The following RUNX2 variants were observed in gnomAD, a reference collection of about 807,000 sequenced individuals.
RUNX2 encodes runt-related transcription factor 2.
A neutral mutation model predicts 51.7 loss-of-function variants in RUNX2; 10 were observed. The ratio of observed to expected loss-of-function variants is 0.19; its 90% CI spans 0.12 to 0.33. RUNX2 has a LOEUF of 0.33. Among genes scored for constraint, RUNX2 ranks in the 10% least tolerant of loss-of-function variants. RUNX2 has a pLI of 1.00. For missense variants in RUNX2, 562 were observed against 691.3 expected, an observed-to-expected ratio of 0.81 and a Z score of 2.10; for synonymous variants, 276 against 273.6, an observed-to-expected ratio of 1.01 and a Z score of -0.09.
intron 2 of RUNX2, among the ~76,000 whole-genome samples, chr6:45,344,057 C>A (rs1263845924): frequency 2.0e-5 from 3 of 152,044 alleles, no homozygotes. Context: ...AAATATGAGA[C>A]AATTGTATAT....
intron 5 of RUNX2, among the ~76,000 whole-genome samples, chr6:45,456,817 T>C (rs1266178316): frequency 6.6e-6 from 1 of 152,222 alleles, no homozygotes; most frequent in African/African-American, 2.4e-5. Context: ...AACAACTCTG[T>C]AAAGCAGACA....
chr6:45,462,104 TAA>T (rs1357015179), intron 5 of RUNX2, among the ~76,000 whole-genome samples: 1 of 151,994 alleles, frequency 6.6e-6, no homozygotes, highest in East Asian at 1.9e-4. Flanking sequence ...TGATTAAAAA[TAA>T]AGAGAGAAAA....
At chr6:45,398,466 T>C (rs1368742817) in intron 2 of RUNX2, among the ~76,000 whole-genome samples, 1 of 152,336 alleles carries the variant, frequency 6.6e-6, no homozygotes, top group East Asian at 1.9e-4. Context: ...TTGAAACCAA[T>C]ATATATAACA....
At position 45,354,043 on chromosome 6, in the gene RUNX2, T is replaced by C. The variant is rs552976749; in HGVS notation, c.58+25259T>C. Reference sequence around the variant, plus strand: ...AACACAATATTTTTACTGTTAAAAATTGTCAGGGAAGATGGAGGGAGGTGC... The same window carrying C: ...AACACAATATTTTTACTGTTAAAAACTGTCAGGGAAGATGGAGGGAGGTGC... On this transcript the variant is annotated intron_variant, in intron 2 of 8. Coordinates refer to ENST00000647337, the MANE Select transcript of RUNX2 (RefSeq NM_001024630.4). 2.0e-5 allele frequency among the ~76,000 whole-genome samples: 3 copies of C among 152,214 alleles called. No individual in the cohort carries two copies. The East Asian group carries it at 5.8e-4, about 29-fold the overall frequency.
chr6:45,411,941 A>G (rs1797959581), intron 2 of RUNX2, among the ~76,000 whole-genome samples: 1 of 152,226 alleles, frequency 6.6e-6, no homozygotes, highest in Non-Finnish European at 1.5e-5. Flanking sequence ...GCTTTACTGT[A>G]GGATATCTTA....
chr6:45,372,127 T>C (rs1377665937), intron 2 of RUNX2: 1 of 584,198 alleles, frequency 1.7e-6, no homozygotes, highest in Non-Finnish European at 2.2e-6. Flanking sequence ...CAAACCACAA[T>C]GGAAGCAGTA....
chr6:45,410,747 G>A (rs746186553), intron 2 of RUNX2, among the ~76,000 whole-genome samples: 4 of 152,148 alleles, frequency 2.6e-5, no homozygotes, highest in African/African-American at 4.8e-5. Context: ...AAAAAAATAA[G>A]GACTGTGCAC....
At chr6:45,407,301 C>T (rs1224199941) in intron 2 of RUNX2, among the ~76,000 whole-genome samples, 4 of 151,896 alleles carry the variant, frequency 2.6e-5, no homozygotes, top group South Asian at 2.1e-4. Context: ...CCACCTGCCT[C>T]GGTCTCCCAA....
chr6:45,422,946 G>A lies in RUNX2; in HGVS notation c.412G>A (p.Val138Met). Residue 138 changes from valine to methionine, a missense_variant, in exon 3 of 9, where the codon GTG becomes ATG. Physicochemically the swap from Val to Met is conservative, Grantham distance 21 (BLOSUM62 1). Around this residue, in one of 5 missense-constraint regions of RUNX2, gnomAD observed 67 missense variants for 106.5 expected, o/e 0.63. Transcript: ENST00000647337. Reference protein sequence around the residue: ...SHWRCNKTLPVAFKVVALGEV... With the variant: ...SHWRCNKTLPMAFKVVALGEV... ...CTGGCGCTGCAACAAGACCCTGCCC[G>A]TGGCCTTCAAGGTAAGAGGCTACAC... 6.2e-7 allele frequency: 1 copy of A among 1,611,134 alleles called. No individual in the cohort carries two copies. The highest frequency in any genetic ancestry group is 8.5e-7 in the Non-Finnish European group (1 of 1,179,514).
intron 7 of RUNX2, 113 bp from the exon 8 acceptor site, chr6:45,545,104 C>A: frequency 1.2e-6 from 1 of 862,056 alleles, no homozygotes; most frequent in South Asian, 1.4e-5. Context: ...GGATGGGAAC[C>A]TCTCTGTCTA....
chr6:45,502,425 G>A (rs557227606), intron 6 of RUNX2, among the ~76,000 whole-genome samples: 98 of 152,244 alleles, frequency 6.4e-4, no homozygotes, highest in African/African-American at 2.2e-3. Context: ...CACCTGGGGA[G>A]CTTGTTAAAC....
At chr6:45,415,932 A>G (rs1225278283) in intron 2 of RUNX2, among the ~76,000 whole-genome samples, 1 of 152,244 alleles carries the variant, frequency 6.6e-6, no homozygotes, top group Non-Finnish European at 1.5e-5. Context: ...AATATGAGTC[A>G]GGAAAAGATC....
At chr6:45,329,439 GC>G (rs1183774967) in intron 2 of RUNX2, among the ~76,000 whole-genome samples, 6 of 151,932 alleles carry the variant, frequency 3.9e-5, no homozygotes, top group African/African-American at 1.4e-4. Context: ...CTTTATAGTT[GC>G]CCAGGATATT....
chr6:45,501,555 G>C (rs1800801690), intron 6 of RUNX2, among the ~76,000 whole-genome samples: 1 of 152,124 alleles, frequency 6.6e-6, no homozygotes, highest in Admixed American at 6.5e-5. Flanking sequence ...ATTGTGCCCT[G>C]GATTATGCCA....
At chr6:45,531,603 A>G (rs1801844728) in intron 7 of RUNX2, among the ~76,000 whole-genome samples, 1 of 152,082 alleles carries the variant, frequency 6.6e-6, no homozygotes, top group Admixed American at 6.5e-5. Context: ...AAATACAAAA[A>G]TTAGCCAGGC....
intron 7 of RUNX2, among the ~76,000 whole-genome samples, chr6:45,518,826 G>C (rs1352678998): frequency 1.3e-5 from 2 of 152,130 alleles, no homozygotes; most frequent in Non-Finnish European, 2.9e-5. Flanking sequence ...GAAAACTTGA[G>C]TGTATGAACC....
chr6:45,525,115 G>T (rs984658072), intron 7 of RUNX2, among the ~76,000 whole-genome samples: 1 of 152,102 alleles, frequency 6.6e-6, no homozygotes, highest in Non-Finnish European at 1.5e-5. Flanking sequence ...AGTCTCAAAA[G>T]ATATAGTAGA....
At chr6:45,523,818 G>A (rs1801582237) in intron 7 of RUNX2, among the ~76,000 whole-genome samples, 1 of 151,854 alleles carries the variant, frequency 6.6e-6, no homozygotes, top group Non-Finnish European at 1.5e-5. Flanking sequence ...TGTAATCCCA[G>A]CTACTCAGGA....
intron 2 of RUNX2, among the ~76,000 whole-genome samples, chr6:45,414,341 C>T (rs898824613): frequency 2.0e-5 from 3 of 152,142 alleles, no homozygotes; most frequent in South Asian, 4.1e-4. Flanking sequence ...TTACAATATT[C>T]CCTTCTAGAC....
Sources: allele counts gnomAD v4.1 joint callset (sites outside exome capture counted in the v4.1 genomes callset), GRCh38; gene constraint gnomAD v4.1.1; regional missense constraint gnomAD v4.1.1; transcripts MANE v1.5; gene names NCBI Gene and HGNC (gene_info 2026-07-23, HGNC 2026-07-21).